PLEKHA1: variants seen among roughly 807,000 people sequenced by gnomAD.
PLEKHA1 encodes pleckstrin homology domain-containing family A member 1.
In PLEKHA1, 34 loss-of-function variants were observed where a neutral mutation model predicts 52.0. That is an observed-to-expected ratio of 0.65 (90% CI 0.50 to 0.87). The LOEUF (loss-of-function observed/expected upper bound fraction) is 0.87. Among genes scored for constraint, PLEKHA1 ranks in the 40% least tolerant of loss-of-function variants. The probability of loss-of-function intolerance (pLI) is 0.00; values close to 1 mark genes in which losing one functional copy is unlikely to be tolerated. For missense variants in PLEKHA1, 497 were observed against 504.2 expected (o/e 0.99, Z 0.14); for synonymous variants, 163 against 170.7 (o/e 0.95, Z 0.35).
At chr10:122,396,217 C>T (rs2096847391) in intron 2 of PLEKHA1, among the ~76,000 whole-genome samples, 1 of 151,862 alleles carries the variant, frequency 6.6e-6, no homozygotes, top group African/African-American at 2.4e-5. Flanking sequence ...ATAATAGGCT[C>T]ATGAAAAACT....
At chr10:122,400,260 C>A (rs2096908872) in intron 3 of PLEKHA1, 83 bp from the exon 4 acceptor site, 2 of 1,026,020 alleles carry the variant, frequency 1.9e-6, no homozygotes, top group Admixed American at 5.4e-5. Context: ...GGGAATCATA[C>A]ATGTGGAAGT....
intron 5 of PLEKHA1, among the ~76,000 whole-genome samples, chr10:122,409,100 G>GC (rs1365989385): frequency 1.3e-5 from 2 of 152,018 alleles, no homozygotes; most frequent in Non-Finnish European, 2.9e-5. Context: ...ATCCTCTAAC[G>GC]CTATAGTCTG....
chr10:122,386,605 T>C (rs932818196), intron 1 of PLEKHA1: 8 of 152,234 alleles, frequency 5.3e-5, no homozygotes, highest in Admixed American at 3.9e-4. Context: ...CTGGAAGCTT[T>C]GACATTTTAC....
chr10:122,407,142 G>A (rs569475260), intron 5 of PLEKHA1, among the ~76,000 whole-genome samples: 1 of 152,256 alleles, frequency 6.6e-6, no homozygotes, highest in South Asian at 2.1e-4. Context: ...GAGGGTTAGG[G>A]ATAGGAATAG....
chr10:122,392,600 C>G (rs763844274), intron 1 of PLEKHA1, among the ~76,000 whole-genome samples: 2 of 152,038 alleles, frequency 1.3e-5, no homozygotes, highest in African/African-American at 2.4e-5. Context: ...GTGCGGTAAT[C>G]TGGATTCAGG....
Position 122,421,728 on chromosome 10 carries a change from G to T in PLEKHA1, c.682-2471G>T, listed in dbSNP as rs139551282. ...GCAATTCATTTAAAAATTAAAATAG[G>T]TCTTAAAATATTTAAAAAAATTCAG... is the stretch of plus-strand genomic sequence containing the variant. On this transcript the variant is annotated intron_variant, in intron 8 of 11. Coordinates refer to ENST00000368990, the MANE Select transcript of PLEKHA1 (RefSeq NM_001001974.4). 609 of 152,152 alleles carry T rather than the reference G, an allele frequency of 4.0e-3. 3 individuals are homozygous for T. Among genetic ancestry groups the T allele is most frequent in the African/African-American group, 0.014 (578 of 41,480 alleles). The allele number at this position is 152,152 out of a possible 1,614,324, so 9.4% of individuals were successfully genotyped here. A position where few individuals can be genotyped will look rare whatever the true frequency, so the allele number is the denominator to read the frequency against.
At chr10:122,385,646 C>T (rs532022567) in intron 1 of PLEKHA1, among the ~76,000 whole-genome samples, 2 of 152,206 alleles carry the variant, frequency 1.3e-5, no homozygotes, top group Admixed American at 6.5e-5. Flanking sequence ...CTTAATATTA[C>T]GATTTTGAGA....
At chr10:122,384,608 C>A (rs1452275291) in intron 1 of PLEKHA1, among the ~76,000 whole-genome samples, 646 of 118,746 alleles carry the variant, frequency 5.4e-3, no homozygotes, top group Middle Eastern at 0.018. Context: ...GACTCTGTCT[C>A]AAAAAAAAAA....
In PLEKHA1 at chr10:122,393,028, AT is replaced by A; in HGVS notation, c.-20-148del. On this transcript the variant is annotated intron_variant, in intron 1 of 11. Coordinates refer to ENST00000368990, the MANE Select transcript of PLEKHA1 (RefSeq NM_001001974.4). This position sits in a 1 kb window ranked among gnomAD's most constrained non-coding sequence, Gnocchi z 4.5. ...CTTCACAAACTGAATTTCAAAAGTG[AT>A]TTTTGTCAATGCCTCAGATGTTGGT... The A allele has an allele frequency of 3.9e-6, 2 of 513,282 alleles. No homozygotes were observed. Among genetic ancestry groups the A allele is most frequent in the Admixed American group, 4.0e-5 (1 of 24,818 alleles). 31.8% of individuals were successfully genotyped at this position (513,282 alleles called of 1,614,324 possible). A position where few individuals can be genotyped will look rare whatever the true frequency, so the allele number is the denominator to read the frequency against.
chr10:122,406,796 G>A, intron 5 of PLEKHA1, 123 bp downstream of exon 5: 1 of 709,218 alleles, frequency 1.4e-6, no homozygotes, highest in Non-Finnish European at 2.4e-6. Context: ...TTGTTTAAAA[G>A]ACAGGTGTTC....
At chr10:122,420,223 G>C (rs1328625038) in intron 8 of PLEKHA1, 1 of 152,188 alleles carries the variant, frequency 6.6e-6, no homozygotes, top group Non-Finnish European at 1.5e-5. Context: ...TCTGGAATCT[G>C]AATGTGAAAT....
intron 6 of PLEKHA1, among the ~76,000 whole-genome samples, chr10:122,414,417 A>G (rs1238160969): frequency 6.6e-6 from 1 of 152,092 alleles, no homozygotes; most frequent in Non-Finnish European, 1.5e-5. Context: ...AAAATAATAT[A>G]TGTCTATCAT....
At chr10:122,437,976 T>C in the PLEKHA1 span, 1 of 152,208 alleles carries the variant, frequency 6.6e-6, no homozygotes, top group Non-Finnish European at 1.5e-5. Flanking sequence ...GACAGTGGCT[T>C]GGCCAGACAC....
chr10:122,420,714 C>T (rs2097248583), intron 8 of PLEKHA1: 1 of 152,216 alleles, frequency 6.6e-6, no homozygotes, highest in South Asian at 2.1e-4. Context: ...TCTTTTCCTT[C>T]CATCAATCTG....
At chr10:122,403,060 T>G (rs549295695) in intron 4 of PLEKHA1, among the ~76,000 whole-genome samples, 1 of 152,190 alleles carries the variant, frequency 6.6e-6, no homozygotes, top group Non-Finnish European at 1.5e-5. Flanking sequence ...ATCAGTCTTT[T>G]TAGCACTTTC....
At chr10:122,376,136 TTTTC>T (rs1467965603) in intron 1 of PLEKHA1, among the ~76,000 whole-genome samples, 3 of 152,192 alleles carry the variant, frequency 2.0e-5, no homozygotes, top group Middle Eastern at 3.2e-3. Context: ...GAAACTGTGT[TTTTC>T]TTCACAATCT....
At chr10:122,406,878 TTA>T (rs1444675610) in intron 5 of PLEKHA1, among the ~76,000 whole-genome samples, 1 of 152,220 alleles carries the variant, frequency 6.6e-6, no homozygotes, top group African/African-American at 2.4e-5. Flanking sequence ...TCTTTTTAAC[TTA>T]TGCACCTAAT....
chr10:122,377,748 C>T (rs946033411), intron 1 of PLEKHA1, among the ~76,000 whole-genome samples: 1 of 152,034 alleles, frequency 6.6e-6, no homozygotes, highest in South Asian at 2.1e-4. Context: ...TGGGTACTGT[C>T]TAATAAGGGA....
At chr10:122,424,171 GTTTT>G (rs34058512) in intron 8 of PLEKHA1, 24 bp from the exon 9 acceptor site, 1,952 of 941,092 alleles carry the variant, frequency 2.1e-3, no homozygotes, top group Admixed American at 3.6e-3. Flanking sequence ...TCATGTAACT[GTTTT>G]TTTTTTTTTT....
Sources: allele counts gnomAD v4.1 joint callset (sites outside exome capture counted in the v4.1 genomes callset), GRCh38; gene constraint gnomAD v4.1.1; non-coding constraint Gnocchi (gnomAD v3.1); transcripts MANE v1.5; gene names NCBI Gene and HGNC (gene_info 2026-07-23, HGNC 2026-07-21).